The following RALGPS2 variants were observed in gnomAD, a reference collection of about 807,000 sequenced individuals.
RALGPS2 encodes the protein ras-specific guanine nucleotide-releasing factor RalGPS2.
RALGPS2 carries 43 observed loss-of-function variants against 86.8 expected under a neutral mutation model. The observed-to-expected ratio is 0.50, with a 90% CI of 0.39 to 0.64. RALGPS2 has a LOEUF of 0.64. Ranked by LOEUF, RALGPS2 falls within the 30% of genes least tolerant of loss-of-function variation. The pLI is 0.00. For missense variants in RALGPS2, 536 were observed against 694.6 expected (o/e 0.77, Z 2.57); for synonymous variants, 243 against 231.3 (o/e 1.05, Z -0.46).
chr1:178,788,841 C>CTTTTCTTTTCTTTTCT lies in RALGPS2; in HGVS notation c.213+3237_213+3238insTCTTTTCTTTTCTTTT, dbSNP rs1553263494. Among the ~76,000 whole-genome samples the CTTTTCTTTTCTTTTCT allele has an allele frequency of 2.9e-3, 389 of 132,470 alleles. 2 individuals are homozygous for CTTTTCTTTTCTTTTCT. The highest frequency in any genetic ancestry group is 0.011 in the African/African-American group (371 of 34,274). 86.9% of individuals were successfully genotyped at this position (132,470 alleles called of 152,430 possible). On this transcript the variant is annotated intron_variant, in intron 4 of 19. Coordinates refer to ENST00000367635, the MANE Select transcript of RALGPS2 (RefSeq NM_152663.5). ...TTCTTTTCTTTTGTTTTCTTTCTTT[C>CTTTTCTTTTCTTTTCT]TTTCTTTTCTTTTCTTTTCTTTTCT...
At chr1:178,756,309 T>C (rs1651955186) in intron 1 of RALGPS2, among the ~76,000 whole-genome samples, 3 of 152,248 alleles carry the variant, frequency 2.0e-5, no homozygotes, top group African/African-American at 7.2e-5. Context: ...CATTTAAATC[T>C]TTAATCCATC....
intron 1 of RALGPS2, among the ~76,000 whole-genome samples, chr1:178,762,183 A>C (rs1265952407): frequency 6.6e-6 from 1 of 152,172 alleles, no homozygotes; most frequent in African/African-American, 2.4e-5. Context: ...AAAGGACATG[A>C]TGTCACTCTT....
At chr1:178,768,615 G>A (rs1243789507) in intron 1 of RALGPS2, among the ~76,000 whole-genome samples, 1 of 152,202 alleles carries the variant, frequency 6.6e-6, no homozygotes, top group East Asian at 1.9e-4. Context: ...GCCTCAGGCA[G>A]TGGGCTGATT....
chr1:178,819,180 A>G (rs1004854780), intron 6 of RALGPS2, among the ~76,000 whole-genome samples: 104 of 151,052 alleles, frequency 6.9e-4, no homozygotes, highest in African/African-American at 2.3e-3. Context: ...TTTTATAGAG[A>G]CAAGGTTTTG....
At chr1:178,858,894 C>T (rs144932839) in intron 8 of RALGPS2, among the ~76,000 whole-genome samples, 1 of 152,026 alleles carries the variant, frequency 6.6e-6, no homozygotes, top group Non-Finnish European at 1.5e-5. Context: ...AAAGAGAATC[C>T]TTTTTATGAC....
At chr1:178,725,996 G>C (rs1456112267) in intron 1 of RALGPS2, 2 of 151,932 alleles carry the variant, frequency 1.3e-5, no homozygotes, top group African/African-American at 4.8e-5. Context: ...CGCCAGCCCC[G>C]GCCCCGGAGG....
At chr1:178,911,857 T>C (rs568671225) in intron 19 of RALGPS2, among the ~76,000 whole-genome samples, 1 of 152,202 alleles carries the variant, frequency 6.6e-6, no homozygotes, top group Non-Finnish European at 1.5e-5. Flanking sequence ...TTTGTAGGTC[T>C]CTAAGAACTT....
chr1:178,903,793 A>T (rs555274485), intron 18 of RALGPS2, among the ~76,000 whole-genome samples: 96 of 152,274 alleles, frequency 6.3e-4, no homozygotes, highest in African/African-American at 2.2e-3. Context: ...GCAATTGTGA[A>T]TTGTGCTGCT....
rs112637743 is a variant in RALGPS2, at chr1:178,795,803, T to C, written c.213+10196T>C. On this transcript the variant is annotated intron_variant, in intron 4 of 19. Transcript: ENST00000367635. ...GCTTCTCTGTGCAAACCTTCTAGTG[T>C]ATGTCAAGATAATATAATCTTGGAA... 4.9e-3 allele frequency among the ~76,000 whole-genome samples: 752 copies of C among 152,272 alleles called. 7 individuals are homozygous for C. Among genetic ancestry groups the C allele is most frequent in the African/African-American group, 0.016 (683 of 41,518 alleles).
At chr1:178,739,423 A>G (rs1485733829) in intron 1 of RALGPS2, among the ~76,000 whole-genome samples, 1 of 152,234 alleles carries the variant, frequency 6.6e-6, no homozygotes, top group Non-Finnish European at 1.5e-5. Context: ...AGCAGGTCAC[A>G]GAAGAAGAGG....
chr1:178,813,993 A>G (rs1306594749), intron 6 of RALGPS2, among the ~76,000 whole-genome samples: 1 of 152,232 alleles, frequency 6.6e-6, no homozygotes, highest in Non-Finnish European at 1.5e-5. Flanking sequence ...TAAAGTATCA[A>G]AAGAATGATA....
intron 14 of RALGPS2, among the ~76,000 whole-genome samples, chr1:178,890,303 A>T (rs1659666586): frequency 6.6e-6 from 1 of 151,946 alleles, no homozygotes; most frequent in African/African-American, 2.4e-5. Flanking sequence ...TAAGATCTGA[A>T]GAATGTGACC....
At position 178,794,273 on chromosome 1, in the gene RALGPS2, C is replaced by A. The variant is rs777927338; in HGVS notation, c.213+8666C>A. ...CTGGGACTACAGGCGCATGCCACCA[C>A]ACCCAGCTAATTTTTGTATTTTTTG... On this transcript the variant is annotated intron_variant, in intron 4 of 19. Transcript: ENST00000367635. Among the ~76,000 whole-genome samples the A allele has an allele frequency of 3.4e-4, 51 of 152,104 alleles. 1 individual carries two copies. Among genetic ancestry groups the A allele is most frequent in the Non-Finnish European group, 4.4e-4 (30 of 68,014 alleles).
intron 8 of RALGPS2, among the ~76,000 whole-genome samples, chr1:178,862,362 T>A (rs1329609189): frequency 6.6e-6 from 1 of 152,102 alleles, no homozygotes; most frequent in Non-Finnish European, 1.5e-5. Context: ...AACACATATT[T>A]AGCAACTGCA....
intron 8 of RALGPS2, chr1:178,852,758 T>C (rs1213022940): frequency 2.5e-6 from 4 of 1,613,826 alleles, no homozygotes; most frequent in Non-Finnish European, 3.4e-6. Context: ...TCCCCTGCAT[T>C]TCCCTGGTAA....
Position 178,740,998 on chromosome 1 carries a change from G to A in RALGPS2, c.-84+15579G>A, listed in dbSNP as rs140303248. Among the ~76,000 whole-genome samples, 19 of 152,274 alleles carry A rather than the reference G, an allele frequency of 1.2e-4. No individual in the cohort carries two copies. The East Asian group carries it at 2.7e-3, about 22-fold the overall frequency. Reference sequence around the variant, plus strand: ...TGGAAAGCTTAGAACAATGCTAAGCGTATAACAGATGTTCAATAAATAGTA... The same window carrying A: ...TGGAAAGCTTAGAACAATGCTAAGCATATAACAGATGTTCAATAAATAGTA... On this transcript the variant is annotated intron_variant, in intron 1 of 19. Transcript: ENST00000367635.
intron 8 of RALGPS2, among the ~76,000 whole-genome samples, chr1:178,845,348 G>A (rs1292395558): frequency 6.6e-6 from 1 of 151,972 alleles, no homozygotes; most frequent in African/African-American, 2.4e-5. Flanking sequence ...TTTCATGATA[G>A]TACTTTTTTG....
intron 4 of RALGPS2, among the ~76,000 whole-genome samples, chr1:178,800,252 C>T (rs565425781): frequency 3.3e-5 from 5 of 152,266 alleles, no homozygotes; most frequent in African/African-American, 1.2e-4. Context: ...TTCTATGATA[C>T]AGGCATTGAA....
intron 7 of RALGPS2, among the ~76,000 whole-genome samples, chr1:178,823,383 G>A (rs142525546): frequency 2.0e-5 from 3 of 152,292 alleles, no homozygotes; most frequent in Non-Finnish European, 4.4e-5. Flanking sequence ...TTTTCATACA[G>A]CTAACATTCT....
Sources: allele counts gnomAD v4.1 joint callset (sites outside exome capture counted in the v4.1 genomes callset), GRCh38; gene constraint gnomAD v4.1.1; transcripts MANE v1.5; gene names NCBI Gene and HGNC (gene_info 2026-07-23, HGNC 2026-07-21).